Variants in WDPCP observed in about 807,000 individuals in gnomAD.
WDPCP encodes WD repeat-containing and planar cell polarity effector protein fritz homolog.
A neutral mutation model predicts 93.1 loss-of-function variants in WDPCP; 71 were observed. That is an observed-to-expected ratio of 0.76 (90% CI 0.63 to 0.93). WDPCP has a LOEUF of 0.93. Among genes scored for constraint, WDPCP ranks in the 40% least tolerant of loss-of-function variants. The pLI, the probability that WDPCP is intolerant of heterozygous loss-of-function variation, is 0.00. For synonymous variants in WDPCP, 315 were observed against 315.0 expected (o/e 1.00, Z 0.00); for missense variants, 844 against 887.4 (o/e 0.95, Z 0.62).
At chr2:63,465,411 T>C (rs1393359686) in intron 6 of WDPCP, among the ~76,000 whole-genome samples, 1 of 152,076 alleles carries the variant, frequency 6.6e-6, no homozygotes, top group East Asian at 1.9e-4. Flanking sequence ...ACAGTCACAT[T>C]AGGTTTGAGA....
intron 1 of WDPCP, among the ~76,000 whole-genome samples, chr2:63,569,039 C>T (rs140106155): frequency 9.7e-4 from 148 of 152,088 alleles, no homozygotes; most frequent in African/African-American, 2.8e-3. Flanking sequence ...TTTCATAGTA[C>T]CAATGTTAGA....
chr2:63,384,461 A>C (rs1407145874), intron 10 of WDPCP, among the ~76,000 whole-genome samples: 1 of 152,168 alleles, frequency 6.6e-6, no homozygotes, highest in Non-Finnish European at 1.5e-5. Flanking sequence ...TATATTATTT[A>C]AGTTTGAAGT....
intron 1 of WDPCP, among the ~76,000 whole-genome samples, chr2:63,821,158 A>T (rs1654541867): frequency 6.6e-6 from 1 of 152,082 alleles, no homozygotes; most frequent in Non-Finnish European, 1.5e-5. Context: ...CATGTGTTTG[A>T]CTATTTGTTT....
intron 2 of WDPCP, among the ~76,000 whole-genome samples, chr2:63,764,925 T>C (rs115453222): frequency 0.012 from 1,869 of 152,218 alleles, 16 homozygotes; most frequent in Non-Finnish European, 0.015. Context: ...ACATGGTAAA[T>C]AAAAAATTGA....
intron 1 of WDPCP, among the ~76,000 whole-genome samples, chr2:63,523,629 A>C (rs1703100710): frequency 6.6e-6 from 1 of 152,228 alleles, no homozygotes; most frequent in South Asian, 2.1e-4. Context: ...GGCAATCAAC[A>C]GGCTGGGCGC....
At chr2:63,212,679 G>C (rs1288143301) in intron 14 of WDPCP, among the ~76,000 whole-genome samples, 2 of 151,862 alleles carry the variant, frequency 1.3e-5, no homozygotes. Flanking sequence ...TGGCAAATTG[G>C]ATAAAGAGTC....
intron 17 of WDPCP, among the ~76,000 whole-genome samples, chr2:63,124,486 C>T (rs1283661188): frequency 6.6e-6 from 1 of 152,138 alleles, no homozygotes; most frequent in East Asian, 1.9e-4. Flanking sequence ...TATCAGGTCA[C>T]TTTCCTTTAA....
chr2:63,829,715 C>T (rs1329813020), upstream of WDPCP, among the ~76,000 whole-genome samples: 1 of 152,142 alleles, frequency 6.6e-6, no homozygotes, highest in Non-Finnish European at 1.5e-5. Flanking sequence ...CCATGGGTTA[C>T]ACCAGTACTT....
intron 15 of WDPCP, among the ~76,000 whole-genome samples, chr2:63,156,533 C>T (rs1443355777): frequency 3.3e-5 from 5 of 151,724 alleles, no homozygotes; most frequent in African/African-American, 7.3e-5. Context: ...TTCAGGAGTT[C>T]GAGACCCGTC....
chr2:63,551,664 C>G (rs1009354622), intron 1 of WDPCP, among the ~76,000 whole-genome samples: 3 of 152,132 alleles, frequency 2.0e-5, no homozygotes, highest in African/African-American at 7.2e-5. Flanking sequence ...ATACAGACTC[C>G]TATCATGACA....
rs542128627 is a variant in WDPCP at position 63,317,585 on chromosome 2, T to A, written c.1749-4274A>T. ...AGACACATAAACCAATAAAACAGAT[T>A]AGAGAACTTAGAAATAAAGCCAAAC... On this transcript the variant is annotated intron_variant, in intron 12 of 17. Coordinates refer to ENST00000272321, the MANE Select transcript of WDPCP (RefSeq NM_015910.7). 3.3e-5 allele frequency among the ~76,000 whole-genome samples: 5 copies of A among 152,060 alleles called. No individual in the cohort carries two copies. The East Asian group carries it at 7.7e-4, about 24-fold the overall frequency.
chr2:63,798,103 A>G (rs960335132), intron 2 of WDPCP, among the ~76,000 whole-genome samples: 1 of 152,204 alleles, frequency 6.6e-6, no homozygotes, highest in African/African-American at 2.4e-5. Context: ...AAACATGAAG[A>G]ATAACTAAAG....
chr2:63,495,115 C>T (rs184993746), intron 1 of WDPCP, among the ~76,000 whole-genome samples: 3 of 152,218 alleles, frequency 2.0e-5, no homozygotes, highest in Admixed American at 2.0e-4. Flanking sequence ...AGGAACCCCT[C>T]AATCCCCAGA....
chr2:63,572,719 A>AAAAAAAAAAC, intron 1 of WDPCP, among the ~76,000 whole-genome samples: 1 of 147,398 alleles, frequency 6.8e-6, no homozygotes, highest in Non-Finnish European at 1.5e-5. Context: ...AAAAAAAAAA[A>AAAAAAAAAAC]AAAAAAAGTT....
chr2:63,706,710 G>A lies in WDPCP; in HGVS notation n.309-55872C>T, dbSNP rs1287958569. ...CGGCTCACTGCAAGCTCCGCTTCCC[G>A]GGTTCACGCCATTCTCCTGCCTCAG... On this transcript the variant is annotated intron_variant and non_coding_transcript_variant, in intron 2 of 4. Transcript: ENST00000467687. Among the ~76,000 whole-genome samples, 20 of 141,110 alleles carry A rather than the reference G, an allele frequency of 1.4e-4. No individual in the cohort carries two copies. In the East Asian group the frequency reaches 1.9e-3, roughly 13 times the overall value. The allele number at this position is 141,110 out of a possible 152,430, so 92.6% of individuals were successfully genotyped here.
At chr2:63,555,733 A>G (rs945782644) in intron 1 of WDPCP, among the ~76,000 whole-genome samples, 2 of 152,186 alleles carry the variant, frequency 1.3e-5, no homozygotes, top group African/African-American at 2.4e-5. Flanking sequence ...GTGGACCCCC[A>G]GCAAGCTGCA....
rs1050069451 is a variant in WDPCP at position 63,363,290 on chromosome 2, C to T, written c.1748+15096G>A. Among the ~76,000 whole-genome samples the T allele has an allele frequency of 4.6e-5, 7 of 152,134 alleles. No homozygotes were observed. The South Asian group carries it at 6.2e-4, about 14-fold the overall frequency. On this transcript the variant is annotated intron_variant, in intron 12 of 17. Transcript: ENST00000272321. ...TCTATGTTAATAGGTTTATGTTATA[C>T]GTCCTATTGTTAATAAAGAATATTA...
Position 63,259,296 on chromosome 2 carries a change from T to C in WDPCP, c.1915+11A>G, listed in dbSNP as rs375424071. ...AAATAAAAAGCACTTAAAAATAGCG[T>C]TAATTCTTACCAACCCCAGAGGTTA... is the stretch of plus-strand genomic sequence containing the variant. On this transcript the variant is annotated intron_variant, in intron 14 of 17. Coordinates refer to ENST00000272321, the MANE Select transcript of WDPCP (RefSeq NM_015910.7). 6.2e-5 allele frequency: 99 copies of C among 1,609,404 alleles called. No individual in the cohort carries two copies. The highest frequency in any genetic ancestry group is 8.2e-5 in the Non-Finnish European group (97 of 1,177,006).
At chr2:63,354,012 G>C (rs1161125113) in intron 12 of WDPCP, among the ~76,000 whole-genome samples, 1 of 152,174 alleles carries the variant, frequency 6.6e-6, no homozygotes, top group Non-Finnish European at 1.5e-5. Context: ...TCCCTGAACA[G>C]AGCCTTCAGG....
Sources: allele counts gnomAD v4.1 joint callset (sites outside exome capture counted in the v4.1 genomes callset), GRCh38; gene constraint gnomAD v4.1.1; transcripts MANE v1.5; gene names NCBI Gene and HGNC (gene_info 2026-07-23, HGNC 2026-07-21).